The following FAM186A variants were observed in gnomAD, a reference collection of about 807,000 sequenced individuals.
FAM186A encodes the protein protein FAM186A.
FAM186A carries 163 observed loss-of-function variants against 216.8 expected under a neutral mutation model. The observed-to-expected ratio is 0.75, with a 90% CI of 0.66 to 0.86. The LOEUF (loss-of-function observed/expected upper bound fraction) is 0.86, where lower values mean the gene tolerates loss of function less well. FAM186A is among the 40% of genes least tolerant of loss of function. The probability of loss-of-function intolerance (pLI) is 0.00; values close to 1 mark genes in which losing one functional copy is unlikely to be tolerated. For missense variants in FAM186A, 2,184 were observed against 2,746.2 expected (o/e 0.80, Z 4.58); for synonymous variants, 805 against 1,025.3 (o/e 0.79, Z 4.10).
chr12:50,370,092 C>T (rs980155455), intron 1 of FAM186A, among the ~76,000 whole-genome samples: 5 of 132,246 alleles, frequency 3.8e-5, no homozygotes, highest in Admixed American at 8.6e-5. Context: ...CCACTGCACC[C>T]CAGCCTGGGC....
chr12:50,378,891 G>A (rs1009148747), intron 1 of FAM186A, among the ~76,000 whole-genome samples: 2 of 152,106 alleles, frequency 1.3e-5, no homozygotes, highest in African/African-American at 4.8e-5. Context: ...AAATGTCTAT[G>A]TGTAAGGTTA....
At chr12:50,360,671 C>T (rs569167018) in intron 3 of FAM186A, 85 bp downstream of exon 3, 78 of 1,183,888 alleles carry the variant, frequency 6.6e-5, no homozygotes, top group Non-Finnish European at 8.1e-5. Flanking sequence ...GGTGATAGAG[C>T]GAGACTGAAA....
chr12:50,336,879 T>C (rs1162768019), intron 4 of FAM186A, among the ~76,000 whole-genome samples: 1 of 151,828 alleles, frequency 6.6e-6, no homozygotes, highest in African/African-American at 2.4e-5. Flanking sequence ...TAAATATATG[T>C]ATTTTATATA....
intron 1 of FAM186A, among the ~76,000 whole-genome samples, chr12:50,389,002 A>ACGAGAT (rs1943332051): frequency 6.6e-6 from 1 of 151,862 alleles, no homozygotes. Context: ...TTGCAGTGAC[A>ACGAGAT]CGAGATCGTG....
At chr12:50,347,373 T>G (rs927655577) in intron 4 of FAM186A, among the ~76,000 whole-genome samples, 1 of 152,020 alleles carries the variant, frequency 6.6e-6, no homozygotes. Flanking sequence ...CCTCAAAGAC[T>G]CAGCATCATA....
chr12:50,351,394 A>G lies in FAM186A; in HGVS notation c.5438T>C (p.Phe1813Ser). 6.8e-7 allele frequency: 1 copy of G among 1,469,912 alleles called. No individual in the cohort carries two copies. The highest frequency in any genetic ancestry group is 9.0e-7 in the Non-Finnish European group (1 of 1,111,982). 91.1% of individuals were successfully genotyped at this position (1,469,912 alleles called of 1,614,324 possible). The change falls in exon 4 of 8, where the codon TTC becomes TCC. Residue 1813 changes from phenylalanine (F) to serine (S), a missense_variant. Phe to Ser is a radical substitution (Grantham distance 155). Transcript: ENST00000327337. Reference protein sequence around the residue: ...VYGGQSTSAQFPAPQAPPSPG... With the variant: ...VYGGQSTSAQSPAPQAPPSPG... ...GGAGGGAGGGGCCTGTGGTGCCGGG[A>G]ACTGCGCAGAAGTGGATTGACCTCC...
chr12:50,343,880 A>AT, intron 4 of FAM186A, among the ~76,000 whole-genome samples: 1 of 151,078 alleles, frequency 6.6e-6, no homozygotes, highest in Non-Finnish European at 1.5e-5. Flanking sequence ...TGGCCTCCCA[A>AT]AGTGCTGGGA....
chr12:50,363,046 CT>C, intron 2 of FAM186A, 98 bp downstream of exon 2: 1 of 1,036,862 alleles, frequency 9.6e-7, no homozygotes, highest in Non-Finnish European at 1.4e-6. Context: ...TTAGTCTTTT[CT>C]TCTTTAATCT....
chr12:50,385,051 C>T (rs952999732), intron 1 of FAM186A, among the ~76,000 whole-genome samples: 5 of 151,798 alleles, frequency 3.3e-5, no homozygotes, highest in Non-Finnish European at 7.4e-5. Flanking sequence ...GTGATCCACC[C>T]GCCTTGGCCT....
At chr12:50,335,983 G>A (rs756073045) in intron 4 of FAM186A, among the ~76,000 whole-genome samples, 5 of 151,860 alleles carry the variant, frequency 3.3e-5, no homozygotes, top group Non-Finnish European at 7.4e-5. Flanking sequence ...AAATTAGCCC[G>A]GTGTGATGGC....
In FAM186A at chr12:50,350,447, G is replaced by A. The variant is rs1410822429; in HGVS notation, c.6385C>T (p.Pro2129Ser). 1 of 1,551,496 alleles carries A rather than the reference G, an allele frequency of 6.4e-7. No homozygotes were observed. The highest frequency in any genetic ancestry group is 1.2e-5 in the South Asian group (1 of 84,058). The stretch of plus-strand genomic sequence containing the variant: ...CTAGCCATTGTGTGTAGCTGTGAAG[G>A]GAGTCCACAAGTTTTTATAGCCTGA... ...LNQAIKTCGLPSQLHTMARTL... is the reference protein window; with the variant it reads ...LNQAIKTCGLSSQLHTMARTL... The change falls in exon 4 of 8, where the codon CCT becomes TCT. Residue 2129 changes from proline (P) to serine (S), a missense_variant. Pro to Ser is a moderately conservative substitution (Grantham distance 74). Transcript: ENST00000327337.
At position 50,354,237 on chromosome 12, in the gene FAM186A, C is replaced by CT. The variant is rs145439347; in HGVS notation, c.2594dup (p.Ala866GlyfsTer37). The CT allele has an allele frequency of 1.9e-6, 3 of 1,551,490 alleles. No individual in the cohort carries two copies. Among genetic ancestry groups the CT allele is most frequent in the African/African-American group, 2.7e-5 (2 of 73,032 alleles). Reference sequence around the variant, plus strand: ...TTCCCTCCTTCATCTGGAGCCATGCCTTTTTTTCTTCCCAATTCTCACTTA... The same window carrying CT: ...TTCCCTCCTTCATCTGGAGCCATGCCTTTTTTTTCTTCCCAATTCTCACTTA... On this transcript the variant is annotated frameshift_variant, in exon 4 of 8. Coordinates refer to ENST00000327337, the MANE Select transcript of FAM186A (RefSeq NM_001145475.3). LOFTEE classifies it high-confidence loss of function.
At chr12:50,373,053 A>T (rs1208872709) in intron 1 of FAM186A, among the ~76,000 whole-genome samples, 3 of 149,194 alleles carry the variant, frequency 2.0e-5, no homozygotes, top group Non-Finnish European at 4.5e-5. Context: ...GAAAGAAAGA[A>T]AGAAAGAAAG....
At chr12:50,349,988 C>G (rs1288873680) in intron 4 of FAM186A, among the ~76,000 whole-genome samples, 2 of 152,082 alleles carry the variant, frequency 1.3e-5, no homozygotes, top group Non-Finnish European at 2.9e-5. Context: ...TTTTAAAAAT[C>G]ATACATTTCT....
At position 50,350,836 on chromosome 12, in the gene FAM186A, T is replaced by A; in HGVS notation, c.5996A>T (p.Glu1999Val). The change falls in exon 4 of 8, where the codon GAA (glutamate) becomes GTA (valine). Residue 1999 changes from glutamate to valine, a missense_variant. By Grantham distance (121) the Glu-to-Val change is moderately radical. Transcript: ENST00000327337. ...QMSEVSDTSE[E>V]TQILRDTFAI... ...AAAAGTGTCTCGAAGTATCTGGGTT[T>A]CTTCGGAAGTGTCAGAGACCTCCGA... The A allele has an allele frequency of 6.4e-7, 1 of 1,551,718 alleles. No homozygotes were observed. Among genetic ancestry groups the A allele is most frequent in the Non-Finnish European group, 8.7e-7 (1 of 1,146,994 alleles).
At chr12:50,333,799 G>A in intron 5 of FAM186A, 112 bp downstream of exon 5, 2 of 1,040,338 alleles carry the variant, frequency 1.9e-6, no homozygotes, top group South Asian at 1.8e-5. Context: ...ATTTGTTACA[G>A]CAGCCCAGGA....
rs1386298118 is a variant in FAM186A at position 50,333,822 on chromosome 12, A to G, written c.6696+89T>C. ...CAGCAGCCCAGGAAAGTAATATGAC[A>G]TGGTGTCTCCAGGTAAATGTCATTT... On this transcript the variant is annotated intron_variant, in intron 5 of 7. Transcript: ENST00000327337. 5 of 1,234,952 alleles carry G rather than the reference A, an allele frequency of 4.0e-6. No individual in the cohort carries two copies. The East Asian group carries it at 1.3e-4, about 32-fold the overall frequency. 76.5% of individuals were successfully genotyped at this position (1,234,952 alleles called of 1,614,324 possible). A position where few individuals can be genotyped will look rare whatever the true frequency, so the allele number is the denominator to read the frequency against.
chr12:50,338,097 A>G (rs1942728330), intron 4 of FAM186A, among the ~76,000 whole-genome samples: 1 of 152,148 alleles, frequency 6.6e-6, no homozygotes, highest in Non-Finnish European at 1.5e-5. Flanking sequence ...TTTTAGATAG[A>G]GATTCTTTAC....
chr12:50,330,658 G>C lies in FAM186A; in HGVS notation c.6949C>G (p.Leu2317Val). 6.4e-7 allele frequency: 1 copy of C among 1,550,568 alleles called. No individual in the cohort carries two copies. The highest frequency in any genetic ancestry group is 8.7e-7 in the Non-Finnish European group (1 of 1,146,496). Residue 2317 changes from leucine (L) to valine (V), a missense_variant, in exon 7 of 8, where the codon CTG (leucine) becomes GTG (valine). Leu to Val is a conservative substitution (Grantham distance 32). Coordinates refer to ENST00000327337, the MANE Select transcript of FAM186A (RefSeq NM_001145475.3). ...CTGGGAATATCTGGGTACCCACCCAGCTGGGCCCAGAGTGAATGCATAGAT... is the reference window on the plus strand; with the variant it reads ...CTGGGAATATCTGGGTACCCACCCACCTGGGCCCAGAGTGAATGCATAGAT... ...KTSMHSLWAQ[L>V]GGYPDIPRLL... is the part of the protein sequence containing the mutation.
Sources: allele counts gnomAD v4.1 joint callset (sites outside exome capture counted in the v4.1 genomes callset), GRCh38; gene constraint gnomAD v4.1.1; transcripts MANE v1.5; gene names NCBI Gene and HGNC (gene_info 2026-07-23, HGNC 2026-07-21).